Variants in CAPN5 observed in about 807,000 individuals in gnomAD.
CAPN5 encodes the protein calpain-5.
CAPN5 carries 54 observed loss-of-function variants against 73.0 expected under a neutral mutation model. The observed-to-expected ratio is 0.74, with a 90% CI of 0.59 to 0.93. CAPN5 has a LOEUF of 0.93. CAPN5 is among the 40% of genes least tolerant of loss of function. The pLI, the probability that CAPN5 is intolerant of heterozygous loss-of-function variation, is 0.00. For missense variants in CAPN5, 785 were observed against 882.9 expected (o/e 0.89, Z 1.41); for synonymous variants, 335 against 356.9 (o/e 0.94, Z 0.69).
At chr11:77,080,845 G>A (rs1047409277) in intron 1 of CAPN5, among the ~76,000 whole-genome samples, 6 of 152,206 alleles carry the variant, frequency 3.9e-5, no homozygotes, top group Non-Finnish European at 7.3e-5. Context: ...CCTTGCCCAA[G>A]GACACACAGC....
In CAPN5 at chr11:77,123,730, G is replaced by T; in HGVS notation, c.1783G>T (p.Val595Leu). The T allele has an allele frequency of 2.5e-6, 4 of 1,613,732 alleles. No homozygotes were observed. Among genetic ancestry groups the T allele is most frequent in the Non-Finnish European group, 3.4e-6 (4 of 1,179,932 alleles). ...RVLKDEFLGQ[V>L]HLKADPDNLQ... ...GCTGAAGGATGAATTTCTGGGCCAG[G>T]TGCACCTAAAGGCTGACCCGGACAA... Residue 595 changes from valine to leucine, a missense_variant, in exon 13 of 13, where the codon GTG (valine) becomes TTG (leucine). By Grantham distance (32) the Val-to-Leu change is conservative. Transcript: ENST00000648180.
intron 1 of CAPN5, among the ~76,000 whole-genome samples, chr11:77,080,735 C>G (rs772799354): frequency 6.6e-6 from 1 of 152,240 alleles, no homozygotes; most frequent in African/African-American, 2.4e-5. Flanking sequence ...GGCCTAGGAA[C>G]AGATGCCACT....
intron 6 of CAPN5, among the ~76,000 whole-genome samples, chr11:77,115,810 G>A (rs978031872): frequency 6.6e-6 from 1 of 152,156 alleles, no homozygotes; most frequent in African/African-American, 2.4e-5. Context: ...GTAGAGACCA[G>A]CTTGGTGAGT....
At position 77,119,164 on chromosome 11, in the gene CAPN5, C is replaced by T. The variant is rs782595392; in HGVS notation, c.1290+12C>T. 4.7e-5 allele frequency: 76 copies of T among 1,603,116 alleles called. No homozygotes were observed. The highest frequency in any genetic ancestry group is 2.9e-4 in the East Asian group (13 of 44,322). On this transcript the variant is annotated intron_variant, in intron 9 of 12. Transcript: ENST00000648180. The stretch of plus-strand genomic sequence containing the variant: ...TTGACATCTACAAGGTGAGGCCAGC[C>T]GGGTCCCCTGCCGTGGGTGGGGAGA...
Position 77,116,260 on chromosome 11 carries a change from C to A in CAPN5, c.928C>A (p.Arg310=). ...GTGGCAGAAAGTGAGCAAGAGTGAGCGGGAGAAGATGGGTGTGACCGTGCA... is the reference window on the plus strand; with the variant it reads ...GTGGCAGAAAGTGAGCAAGAGTGAGAGGGAGAAGATGGGTGTGACCGTGCA... ...EEWQKVSKSE[R]EKMGVTVQDD... The change falls in exon 7 of 13, where the codon CGG becomes AGG. Residue 310 remains arginine (R), a synonymous_variant. Transcript: ENST00000648180. 1 of 1,613,598 alleles carries A rather than the reference C, an allele frequency of 6.2e-7. No homozygotes were observed. The highest frequency in any genetic ancestry group is 2.2e-5 in the East Asian group (1 of 44,858).
intron 3 of CAPN5, 145 bp downstream of exon 3, chr11:77,093,958 G>A (rs1950181641): frequency 3.5e-6 from 4 of 1,155,142 alleles, no homozygotes; most frequent in Non-Finnish European, 4.8e-6. Context: ...CCCAGTACTG[G>A]CCGAGCGTCG....
chr11:77,111,146 G>A (rs1170967989), intron 3 of CAPN5, among the ~76,000 whole-genome samples: 2 of 151,918 alleles, frequency 1.3e-5, no homozygotes, highest in African/African-American at 4.8e-5. Context: ...CTCCCTTCTG[G>A]TATAGCCCCG....
intron 1 of CAPN5, among the ~76,000 whole-genome samples, chr11:77,072,345 C>G (rs1348563131): frequency 6.6e-6 from 1 of 152,248 alleles, no homozygotes; most frequent in Non-Finnish European, 1.5e-5. Context: ...CGAATCACTT[C>G]CTTTGAGAGC....
At chr11:77,102,638 G>A (rs1950297849) in intron 3 of CAPN5, among the ~76,000 whole-genome samples, 1 of 152,280 alleles carries the variant, frequency 6.6e-6, no homozygotes, top group Admixed American at 6.5e-5. Context: ...GGGGACTGGA[G>A]TGGAGGCAGA....
rs529702863 is a variant in CAPN5 at position 77,070,624 on chromosome 11, C to T, written c.-36+3530C>T. Among the ~76,000 whole-genome samples the T allele has an allele frequency of 2.6e-5, 4 of 152,346 alleles. No individual in the cohort carries two copies. In the East Asian group the frequency reaches 5.8e-4, roughly 22 times the overall value. ...ATTAGCTATTCTTCAGGAACAGCAT[C>T]GTTCAAGAGCATATTCCTTTCCTAT... On this transcript the variant is annotated intron_variant, in intron 1 of 12. Transcript: ENST00000648180.
At chr11:77,120,335 A>G (rs1950509673) in intron 9 of CAPN5, 1 of 161,630 alleles carries the variant, frequency 6.2e-6, no homozygotes, top group Admixed American at 6.4e-5. Flanking sequence ...GGCATGAGCC[A>G]CTGCGCCCAG....
intron 9 of CAPN5, 107 bp from the exon 10 acceptor site, chr11:77,120,606 A>G (rs1950511756): frequency 2.8e-6 from 2 of 710,304 alleles, no homozygotes; most frequent in East Asian, 2.6e-5. Flanking sequence ...GACATTTCAT[A>G]TAAAGGGATT....
chr11:77,084,961 G>C lies in CAPN5; in HGVS notation c.75G>C (p.Val25=), dbSNP rs1555035212. 1.2e-6 allele frequency: 2 copies of C among 1,613,662 alleles called. No homozygotes were observed. The change falls in exon 2 of 13, where the codon GTG becomes GTC. Residue 25 remains valine (V), a synonymous_variant. Transcript: ENST00000648180. Reference sequence around the variant, plus strand: ...GGCGGGACTGCCGGCGCAGGAAGGTGCTCTTCGAGGACCCCCTCTTCCCCG... The same window carrying C: ...GGCGGGACTGCCGGCGCAGGAAGGTCCTCTTCGAGGACCCCCTCTTCCCCG... ...ALRRDCRRRK[V]LFEDPLFPAT...
chr11:77,103,200 G>A (rs544958659), intron 3 of CAPN5: 27 of 1,613,764 alleles, frequency 1.7e-5, no homozygotes, highest in Middle Eastern at 1.6e-4. Context: ...GAATGAGGCC[G>A]ACGCCCTGGA....
rs202216607 is a variant in CAPN5, at chr11:77,123,684, C to G, written c.1741-4C>G. 3.7e-6 allele frequency: 6 copies of G among 1,612,300 alleles called. No homozygotes were observed. The highest frequency in any genetic ancestry group is 4.5e-5 in the East Asian group (2 of 44,854). On this transcript the variant is annotated splice_polypyrimidine_tract_variant and splice_region_variant and intron_variant, in intron 12 of 12. Coordinates refer to ENST00000648180, the MANE Select transcript of CAPN5 (RefSeq NM_004055.5). ...CCCTCCCATGATCCTCTGTCTCTTC[C>G]CAGGTCTGGAACCACCGAGTGCTGA...
chr11:77,118,944 G>A (rs1950495152), intron 8 of CAPN5, 86 bp from the exon 9 acceptor site: 15 of 1,464,210 alleles, frequency 1.0e-5, no homozygotes, highest in Non-Finnish European at 1.3e-5. Context: ...TCCAGGCTCT[G>A]GAGTCTGAGC....
chr11:77,087,961 C>T (rs902810927), intron 2 of CAPN5: 1 of 1,536,030 alleles, frequency 6.5e-7, no homozygotes, highest in Non-Finnish European at 8.7e-7. Context: ...CATTCGCTGG[C>T]CCCTCACAGG....
At chr11:77,109,885 C>T (rs1211741237) in intron 3 of CAPN5, among the ~76,000 whole-genome samples, 1 of 152,148 alleles carries the variant, frequency 6.6e-6, no homozygotes, top group Non-Finnish European at 1.5e-5. Context: ...TAATGATCCT[C>T]CCGAGGTCCT....
In CAPN5 at chr11:77,072,705, A is replaced by T. The variant is rs528569635; in HGVS notation, c.-36+5611A>T. ...AGGAGCTTGTGCTGAGGAATGGCGC[A>T]CTTCAGTTTCCCAAAGTGAGAGATG... On this transcript the variant is annotated intron_variant, in intron 1 of 12. Transcript: ENST00000648180. Among the ~76,000 whole-genome samples the T allele has an allele frequency of 2.3e-4, 35 of 152,334 alleles. No homozygotes were observed. The South Asian group carries it at 7.1e-3, about 31-fold the overall frequency.
Sources: gnomAD v4.1 joint callset for allele counts (sites outside exome capture counted in the v4.1 genomes callset) on GRCh38, gnomAD v4.1.1 for gene constraint, MANE v1.5 for transcripts, NCBI Gene and HGNC (gene_info 2026-07-23, HGNC 2026-07-21) for gene names.